The following MKLN1 variants were observed in gnomAD, a reference collection of about 807,000 sequenced individuals.
MKLN1 encodes muskelin 1, also known as muskelin.
In MKLN1, 18 loss-of-function variants were observed where a neutral mutation model predicts 99.0. That is an observed-to-expected ratio of 0.18 (90% confidence interval 0.13 to 0.27). The LOEUF is 0.27. Ranked by LOEUF, MKLN1 falls within the 10% of genes least tolerant of loss-of-function variation. MKLN1 has a pLI of 1.00. For missense variants in MKLN1, 621 were observed against 875.9 expected (o/e 0.71, Z 3.67); for synonymous variants, 288 against 293.2 (o/e 0.98, Z 0.18).
chr7:131,183,025 A>G (rs1421652858), intron 2 of MKLN1, among the ~76,000 whole-genome samples: 1 of 152,240 alleles, frequency 6.6e-6, no homozygotes, highest in African/African-American at 2.4e-5. Flanking sequence ...TAGGGGACCT[A>G]CCACACAGCA....
chr7:131,267,308 G>C (rs921143017), intron 3 of MKLN1, among the ~76,000 whole-genome samples: 1 of 151,562 alleles, frequency 6.6e-6, no homozygotes, highest in Non-Finnish European at 1.5e-5. Context: ...CTCTAGCCTG[G>C]GCAACAAGCA....
chr7:131,340,764 G>C (rs1402313835), intron 1 of MKLN1, among the ~76,000 whole-genome samples: 1 of 152,080 alleles, frequency 6.6e-6, no homozygotes, highest in African/African-American at 2.4e-5. Context: ...TTTTAGTGCA[G>C]TTTTGGTTTA....
intron 3 of MKLN1, among the ~76,000 whole-genome samples, chr7:131,236,637 G>A (rs1797325445): frequency 6.6e-6 from 1 of 151,898 alleles, no homozygotes; most frequent in Non-Finnish European, 1.5e-5. Context: ...CTCTAGCCTG[G>A]GTAACAGAGT....
intron 3 of MKLN1, among the ~76,000 whole-genome samples, chr7:131,299,811 G>A (rs1798349239): frequency 6.6e-6 from 1 of 152,110 alleles, no homozygotes; most frequent in South Asian, 2.1e-4. Flanking sequence ...TGTTTTCTAG[G>A]ATTTGACATT....
chr7:131,152,312 A>T (rs374198814), intron 2 of MKLN1, among the ~76,000 whole-genome samples: 112 of 152,170 alleles, frequency 7.4e-4, no homozygotes, highest in African/African-American at 2.5e-3. Context: ...ACAGACTGAG[A>T]CCCTGTCTAA....
At chr7:131,408,877 G>C (rs1055384419) in intron 6 of MKLN1, among the ~76,000 whole-genome samples, 1 of 152,162 alleles carries the variant, frequency 6.6e-6, no homozygotes, top group Non-Finnish European at 1.5e-5. Context: ...AAAAAATGAA[G>C]TGATATTGGA....
chr7:131,214,069 G>A (rs1301678488), intron 3 of MKLN1, among the ~76,000 whole-genome samples: 1 of 151,668 alleles, frequency 6.6e-6, no homozygotes, highest in Non-Finnish European at 1.5e-5. Flanking sequence ...TCATATTTAG[G>A]TCTTTAAACC....
intron 9 of MKLN1, among the ~76,000 whole-genome samples, chr7:131,434,984 T>G (rs1420232824): frequency 6.6e-6 from 1 of 152,240 alleles, no homozygotes; most frequent in Non-Finnish European, 1.5e-5. Flanking sequence ...GTTCAGTATG[T>G]CATCATTAAG....
At chr7:131,147,684 G>A (rs1795834792) in intron 2 of MKLN1, among the ~76,000 whole-genome samples, 1 of 152,152 alleles carries the variant, frequency 6.6e-6, no homozygotes. Flanking sequence ...GCTAGAAAGT[G>A]GAAAACCAGG....
chr7:131,259,541 T>C (rs886660315), intron 3 of MKLN1, among the ~76,000 whole-genome samples: 97 of 152,188 alleles, frequency 6.4e-4, no homozygotes, highest in African/African-American at 2.1e-3. Context: ...CATTCACCTC[T>C]AAAACATAAG....
chr7:131,286,484 G>GT (rs1256477588), intron 3 of MKLN1, among the ~76,000 whole-genome samples: 1 of 152,086 alleles, frequency 6.6e-6, no homozygotes, highest in Non-Finnish European at 1.5e-5. Context: ...AGGAATGGGT[G>GT]TTTCAGATAT....
At chr7:131,243,080 A>G (rs932735044) in intron 3 of MKLN1, 17 of 491,746 alleles carry the variant, frequency 3.5e-5, no homozygotes, top group East Asian at 1.8e-4. Context: ...TTCCACAGCC[A>G]TGGTACCGTC....
intron 2 of MKLN1, among the ~76,000 whole-genome samples, chr7:131,382,533 T>G (rs1481337714): frequency 1.3e-5 from 2 of 152,150 alleles, no homozygotes; most frequent in African/African-American, 4.8e-5. Context: ...TTGTTATTGT[T>G]CAGTTTTGAG....
chr7:131,360,249 C>T (rs562053811), intron 1 of MKLN1, among the ~76,000 whole-genome samples: 18 of 152,224 alleles, frequency 1.2e-4, no homozygotes, highest in African/African-American at 3.6e-4. Flanking sequence ...CTCTAACAGC[C>T]TGTCTTCTAA....
At chr7:131,476,292 C>T (rs1056964570) in intron 16 of MKLN1, among the ~76,000 whole-genome samples, 2 of 152,048 alleles carry the variant, frequency 1.3e-5, no homozygotes, top group Non-Finnish European at 2.9e-5. Context: ...CAGAATTACA[C>T]TAGCTAGTGT....
chr7:131,383,215 C>T (rs1289709757), intron 2 of MKLN1, among the ~76,000 whole-genome samples: 1 of 152,120 alleles, frequency 6.6e-6, no homozygotes, highest in Non-Finnish European at 1.5e-5. Context: ...CAAATTACAC[C>T]TCCTTCCAGC....
chr7:131,416,337 A>T (rs185776611), intron 8 of MKLN1, among the ~76,000 whole-genome samples: 2 of 152,302 alleles, frequency 1.3e-5, no homozygotes, highest in Admixed American at 1.3e-4. Context: ...CATGTGTAAG[A>T]AAGACAAAAA....
chr7:131,367,446 A>G (rs953753433), intron 1 of MKLN1, among the ~76,000 whole-genome samples: 9 of 152,102 alleles, frequency 5.9e-5, no homozygotes, highest in African/African-American at 1.7e-4. Context: ...TGTATTTTCT[A>G]TTTTTCTAGA....
At chr7:131,175,287 T>C (rs1246466660) in intron 2 of MKLN1, among the ~76,000 whole-genome samples, 1 of 88,960 alleles carries the variant, frequency 1.1e-5, no homozygotes, top group African/African-American at 4.6e-5. Context: ...AAGAAACTTC[T>C]TCCTGATTTT....
Sources: gnomAD v4.1 joint callset for allele counts (sites outside exome capture counted in the v4.1 genomes callset) on GRCh38, gnomAD v4.1.1 for gene constraint, MANE v1.5 for transcripts, NCBI Gene and HGNC (gene_info 2026-07-23, HGNC 2026-07-21) for gene names.